The following PPP2R2B variants were observed in gnomAD, a reference collection of about 807,000 sequenced individuals.
The protein encoded by PPP2R2B is protein phosphatase 2 regulatory subunit Bbeta.
PPP2R2B carries 5 observed loss-of-function variants against 46.0 expected under a neutral mutation model. The observed-to-expected ratio is 0.11, with a 90% CI of 0.06 to 0.23. The LOEUF is 0.23. Among genes scored for constraint, PPP2R2B ranks in the 10% least tolerant of loss-of-function variants. The pLI is 1.00. For synonymous variants in PPP2R2B, 215 were observed against 206.7 expected (o/e 1.04, Z -0.34); for missense variants, 367 against 575.0 (o/e 0.64, Z 3.70).
chr5:146,658,744 C>T (rs1001606095), intron 5 of PPP2R2B, among the ~76,000 whole-genome samples: 2 of 152,042 alleles, frequency 1.3e-5, no homozygotes, highest in Admixed American at 1.3e-4. Context: ...TGAATCTTAC[C>T]AAGGTGTACT....
chr5:146,658,485 T>A (rs1460697000), intron 5 of PPP2R2B, among the ~76,000 whole-genome samples: 2 of 152,188 alleles, frequency 1.3e-5, no homozygotes, highest in Non-Finnish European at 2.9e-5. Flanking sequence ...ATAAATATCC[T>A]AATTCCAAAG....
chr5:146,698,203 C>T (rs568165012), intron 3 of PPP2R2B, 59 bp from the exon 4 acceptor site: 26 of 1,428,568 alleles, frequency 1.8e-5, no homozygotes, highest in African/African-American at 1.2e-4. Context: ...CTGTAAAACT[C>T]GCCAACTCCC....
intron 2 of PPP2R2B, among the ~76,000 whole-genome samples, chr5:146,795,821 A>G (rs926392296): frequency 1.3e-5 from 2 of 152,168 alleles, no homozygotes; most frequent in Non-Finnish European, 2.9e-5. Flanking sequence ...GAAAAAGTCA[A>G]TTTGCATGAC....
At chr5:146,987,303 G>T (rs1241428781) in intron 1 of PPP2R2B, among the ~76,000 whole-genome samples, 2 of 152,038 alleles carry the variant, frequency 1.3e-5, no homozygotes, top group East Asian at 3.9e-4. Context: ...CAAGACACAT[G>T]TGCAACAAGA....
intron 2 of PPP2R2B, among the ~76,000 whole-genome samples, chr5:146,837,938 C>T (rs568604859): frequency 3.1e-4 from 47 of 152,180 alleles, no homozygotes; most frequent in Non-Finnish European, 3.1e-4. Flanking sequence ...AGTTGAGTTC[C>T]GGGGCATGTT....
upstream of PPP2R2B, among the ~76,000 whole-genome samples, chr5:146,879,466 TC>T (rs1024112116): frequency 2.6e-5 from 4 of 152,128 alleles, no homozygotes; most frequent in Non-Finnish European, 5.9e-5. Context: ...TTGCAGCCTC[TC>T]CGTTAGGTTT....
At chr5:146,871,089 G>C (rs976333295) in intron 2 of PPP2R2B, among the ~76,000 whole-genome samples, 1 of 152,228 alleles carries the variant, frequency 6.6e-6, no homozygotes, top group Non-Finnish European at 1.5e-5. Flanking sequence ...CTTTCAGCCT[G>C]ATTCTAGAGT....
Position 146,878,727 on chromosome 5 carries a change from AGCTGCTGCT to A in PPP2R2B, c.-270_-262del, listed in dbSNP as rs10591869. On this transcript the variant is annotated 5_prime_UTR_variant, in exon 1 of 10. Coordinates refer to ENST00000394411, the MANE Select transcript of PPP2R2B (RefSeq NM_181675.4). The surrounding 1 kb of genome is among the most constrained non-coding windows in gnomAD (Gnocchi z 4.5). ...CTCACACCCACACGCGCGCACTCGC[AGCTGCTGCT>A]GCTGCTGCTGCTGCTGCTGCTGCAG... The A allele has an allele frequency of 2.3e-4, 297 of 1,297,592 alleles. No homozygotes were observed. The highest frequency in any genetic ancestry group is 9.5e-4 in the African/African-American group (61 of 64,472). The allele number at this position is 1,297,592 out of a possible 1,614,324, so 80.4% of individuals were successfully genotyped here.
chr5:147,057,317 A>C (rs904709054), upstream of PPP2R2B, among the ~76,000 whole-genome samples: 7 of 152,180 alleles, frequency 4.6e-5, no homozygotes, highest in Admixed American at 4.6e-4. Flanking sequence ...CATCCTAAGT[A>C]AGGTGCTGTT....
At chr5:146,752,163 G>T (rs1753593907) in intron 2 of PPP2R2B, among the ~76,000 whole-genome samples, 1 of 152,116 alleles carries the variant, frequency 6.6e-6, no homozygotes, top group Admixed American at 6.5e-5. Context: ...TAGCAGTGAG[G>T]GTGGGGAGAG....
At chr5:147,059,483 T>C (rs113645809), upstream of PPP2R2B, among the ~76,000 whole-genome samples, 1,134 of 152,034 alleles carry the variant, frequency 7.5e-3, 13 homozygotes, top group African/African-American at 0.026. Context: ...AATGGTGTCA[T>C]TATAAGGAGA....
intron 1 of PPP2R2B, among the ~76,000 whole-genome samples, chr5:147,034,961 G>T (rs139136571): frequency 3.9e-5 from 6 of 152,182 alleles, no homozygotes; most frequent in Admixed American, 6.5e-5. Flanking sequence ...GGTAGAAGGA[G>T]GGAGGTGTGG....
upstream of PPP2R2B, chr5:147,056,212 G>A (rs1353830930): frequency 1.3e-6 from 1 of 792,040 alleles, no homozygotes; most frequent in Non-Finnish European, 1.5e-6. Context: ...ATAGTGTTCT[G>A]CCCTGGAGAG....
intron 2 of PPP2R2B, among the ~76,000 whole-genome samples, chr5:146,802,926 C>T (rs1756952820): frequency 6.6e-6 from 1 of 152,002 alleles, no homozygotes; most frequent in East Asian, 1.9e-4. Context: ...AACTAAGCTT[C>T]GGATAAATTT....
At chr5:146,936,701 G>A (rs1416800693) in intron 1 of PPP2R2B, among the ~76,000 whole-genome samples, 5 of 151,932 alleles carry the variant, frequency 3.3e-5, no homozygotes, top group Non-Finnish European at 7.4e-5. Context: ...ATTTCGTTTA[G>A]CCCCTACGGC....
chr5:146,807,460 A>C (rs1376779460), intron 2 of PPP2R2B, among the ~76,000 whole-genome samples: 1 of 152,180 alleles, frequency 6.6e-6, no homozygotes, highest in Non-Finnish European at 1.5e-5. Context: ...GTGGGTTTAG[A>C]TATACAAGAT....
chr5:146,759,317 T>C (rs1461574664), intron 2 of PPP2R2B, among the ~76,000 whole-genome samples: 1 of 152,212 alleles, frequency 6.6e-6, no homozygotes, highest in African/African-American at 2.4e-5. Context: ...TAATAAGTAA[T>C]ATACTTCCCC....
At chr5:146,618,780 C>A (rs560500268) in intron 7 of PPP2R2B, among the ~76,000 whole-genome samples, 1 of 152,322 alleles carries the variant, frequency 6.6e-6, no homozygotes, top group East Asian at 1.9e-4. Flanking sequence ...GTGCTGTACA[C>A]CCATAAGCCG....
intron 1 of PPP2R2B, among the ~76,000 whole-genome samples, chr5:146,981,650 C>T (rs1260826021): frequency 6.6e-6 from 1 of 152,110 alleles, no homozygotes; most frequent in Non-Finnish European, 1.5e-5. Context: ...TATACTATCA[C>T]AACCAAATAT....
Sources: gnomAD v4.1 joint callset for allele counts (sites outside exome capture counted in the v4.1 genomes callset) on GRCh38, gnomAD v4.1.1 for gene constraint, Gnocchi (gnomAD v3.1) non-coding constraint, MANE v1.5 for transcripts, NCBI Gene and HGNC (gene_info 2026-07-23, HGNC 2026-07-21) for gene names.